Variants in ASIC2 observed in about 807,000 individuals in gnomAD.
The protein encoded by ASIC2 is acid-sensing ion channel 2.
In ASIC2, 25 loss-of-function variants were observed where a neutral mutation model predicts 57.3. The ratio of observed to expected loss-of-function variants is 0.44; its 90% CI spans 0.32 to 0.61. The LOEUF is 0.61. Among genes scored for constraint, ASIC2 ranks in the 20% least tolerant of loss-of-function variants. ASIC2 has a pLI of 0.06. For missense variants in ASIC2, 641 were observed against 738.1 expected, an observed-to-expected ratio of 0.87 and a Z score of 1.52; for synonymous variants, 319 against 307.5, an observed-to-expected ratio of 1.04 and a Z score of -0.39.
At chr17:33,810,375 C>T (rs1912384612) in intron 1 of ASIC2, among the ~76,000 whole-genome samples, 1 of 152,172 alleles carries the variant, frequency 6.6e-6, no homozygotes. Flanking sequence ...CTCTGATGCT[C>T]AGGTCATACC....
chr17:33,461,695 G>A (rs115382810), intron 1 of ASIC2, among the ~76,000 whole-genome samples: 1,999 of 152,134 alleles, frequency 0.013, 22 homozygotes, highest in African/African-American at 0.021. Context: ...ACATGAGAAG[G>A]GTGTGTTTAT....
At chr17:33,178,867 G>T (rs1905868295) in intron 1 of ASIC2, among the ~76,000 whole-genome samples, 1 of 152,224 alleles carries the variant, frequency 6.6e-6, no homozygotes, top group African/African-American at 2.4e-5. Flanking sequence ...CAGCCTCCCT[G>T]TAGCAGTGCC....
chr17:33,392,130 T>C (rs1909912999), intron 1 of ASIC2, among the ~76,000 whole-genome samples: 1 of 152,236 alleles, frequency 6.6e-6, no homozygotes, highest in African/African-American at 2.4e-5. Flanking sequence ...TTTGCATGTG[T>C]TCTTTCTGCC....
chr17:33,700,197 G>A (rs912729388), intron 1 of ASIC2, among the ~76,000 whole-genome samples: 9 of 152,096 alleles, frequency 5.9e-5, no homozygotes, highest in Non-Finnish European at 1.3e-4. Flanking sequence ...CTTGGTAAAT[G>A]GTTAGAATAG....
chr17:33,157,992 C>T (rs1905056413), intron 1 of ASIC2, among the ~76,000 whole-genome samples: 1 of 152,190 alleles, frequency 6.6e-6, no homozygotes, highest in South Asian at 2.1e-4. Context: ...AATGTTCCTC[C>T]CCCAGCATTG....
chr17:33,311,789 T>C (rs1305302101), intron 1 of ASIC2, among the ~76,000 whole-genome samples: 3 of 152,228 alleles, frequency 2.0e-5, no homozygotes, highest in African/African-American at 7.2e-5. Flanking sequence ...TTCTTAACCC[T>C]GCTTCTTATT....
chr17:33,020,521 T>C (rs549484828), intron 7 of ASIC2, among the ~76,000 whole-genome samples: 1 of 152,080 alleles, frequency 6.6e-6, no homozygotes, highest in South Asian at 2.1e-4. Flanking sequence ...GGCTCTAGAG[T>C]CAAGTCCTTT....
chr17:33,774,416 C>G (rs1490812242), intron 1 of ASIC2, among the ~76,000 whole-genome samples: 1 of 152,148 alleles, frequency 6.6e-6, no homozygotes, highest in Admixed American at 6.5e-5. Flanking sequence ...TGATGTCTGC[C>G]TTGGGCATAG....
chr17:33,100,165 T>A (rs1473156733), intron 2 of ASIC2: 1 of 152,232 alleles, frequency 6.6e-6, no homozygotes, highest in Non-Finnish European at 1.5e-5. Context: ...CAGGTGATGC[T>A]GATACTGCTG....
intron 1 of ASIC2, among the ~76,000 whole-genome samples, chr17:33,950,942 T>C (rs573134957): frequency 6.6e-6 from 1 of 152,268 alleles, no homozygotes; most frequent in East Asian, 1.9e-4. Context: ...AACAAATTGA[T>C]CTTCAGAGGT....
chr17:34,121,901 C>A (rs1033834429), intron 1 of ASIC2, among the ~76,000 whole-genome samples: 3 of 152,210 alleles, frequency 2.0e-5, no homozygotes. Context: ...CTATCAACTC[C>A]TTCAGGAGTC....
chr17:34,018,330 C>A (rs753943643), intron 1 of ASIC2, among the ~76,000 whole-genome samples: 1 of 152,160 alleles, frequency 6.6e-6, no homozygotes, highest in East Asian at 1.9e-4. Flanking sequence ...AACAAATATT[C>A]CTGTAAAAAT....
intron 1 of ASIC2, among the ~76,000 whole-genome samples, chr17:33,369,210 C>T (rs148861498): frequency 0.011 from 1,624 of 152,210 alleles, 18 homozygotes; most frequent in Middle Eastern, 0.071. Flanking sequence ...GCCATAGACC[C>T]CACTTCCCTA....
chr17:33,771,052 G>C (rs1331483694), intron 1 of ASIC2, among the ~76,000 whole-genome samples: 1 of 152,178 alleles, frequency 6.6e-6, no homozygotes, highest in East Asian at 1.9e-4. Context: ...CAATGTAACA[G>C]GCACTGAACT....
At chr17:33,717,343 T>C (rs1179982104) in intron 1 of ASIC2, among the ~76,000 whole-genome samples, 1 of 151,964 alleles carries the variant, frequency 6.6e-6, no homozygotes, top group African/African-American at 2.4e-5. Context: ...GCAAATAGAG[T>C]GAGGGCCCTC....
intron 1 of ASIC2, among the ~76,000 whole-genome samples, chr17:33,814,103 G>T (rs1168576872): frequency 1.3e-5 from 2 of 152,052 alleles, no homozygotes; most frequent in African/African-American, 4.8e-5. Flanking sequence ...CCATGCCCAG[G>T]GGTAGGAGAG....
intron 1 of ASIC2, among the ~76,000 whole-genome samples, chr17:33,713,033 A>G (rs1909102049): frequency 6.6e-6 from 1 of 152,220 alleles, no homozygotes. Flanking sequence ...ATCAGCTATC[A>G]GAGCAAGTGA....
At chr17:33,873,095 T>A (rs368592133) in intron 1 of ASIC2, among the ~76,000 whole-genome samples, 2 of 152,224 alleles carry the variant, frequency 1.3e-5, no homozygotes, top group Non-Finnish European at 2.9e-5. Flanking sequence ...TTCTCCTTCA[T>A]CAGCCCACTC....
At position 33,703,717 on chromosome 17, in the gene ASIC2, G is replaced by A. The variant is rs576075673; in HGVS notation, c.555+452261C>T. ...TTTAAGCAGGGGAAGGTACATTCAGGGGAGAGAACCTGGGGCCTTTAGCCT... is the reference window on the plus strand; with the variant it reads ...TTTAAGCAGGGGAAGGTACATTCAGAGGAGAGAACCTGGGGCCTTTAGCCT... On this transcript the variant is annotated intron_variant, in intron 1 of 9. Coordinates refer to the ASIC2 transcript ENST00000359872. Among the ~76,000 whole-genome samples, 11 of 152,178 alleles carry A rather than the reference G, an allele frequency of 7.2e-5. No homozygotes were observed. In the East Asian group the frequency reaches 1.5e-3, roughly 21 times the overall value.
Sources: allele counts gnomAD v4.1 joint callset (sites outside exome capture counted in the v4.1 genomes callset), GRCh38; gene constraint gnomAD v4.1.1; transcripts MANE v1.5; gene names NCBI Gene and HGNC (gene_info 2026-07-23, HGNC 2026-07-21).